The following SUPT3H variants were observed in gnomAD, a reference collection of about 807,000 sequenced individuals.
SUPT3H encodes the protein SPT3 homolog, SAGA and STAGA complex component.
In SUPT3H, 44 loss-of-function variants were observed where a neutral mutation model predicts 44.3. The observed-to-expected ratio is 0.99, with a 90% confidence interval of 0.78 to 1.28. The LOEUF is 1.28. Among genes scored for constraint, SUPT3H ranks in the 50% most tolerant of loss-of-function variants. The pLI is 0.00. For synonymous variants in SUPT3H, 124 were observed against 125.6 expected (o/e 0.99, Z 0.09); for missense variants, 380 against 387.1 (o/e 0.98, Z 0.15).
intron 3 of SUPT3H, among the ~76,000 whole-genome samples, chr6:45,103,430 T>C (rs1175035925): frequency 2.0e-5 from 3 of 152,082 alleles, no homozygotes; most frequent in African/African-American, 7.2e-5. Flanking sequence ...AAATAGAATA[T>C]AAAAGTATGT....
chr6:44,848,433 A>G (rs555146431), intron 10 of SUPT3H, among the ~76,000 whole-genome samples: 117 of 152,370 alleles, frequency 7.7e-4, no homozygotes, highest in Non-Finnish European at 1.3e-3. Context: ...CCAGGCATCA[A>G]TTCCAAAGTT....
chr6:45,360,856 C>T (rs1181622587), intron 2 of SUPT3H, among the ~76,000 whole-genome samples: 1 of 152,176 alleles, frequency 6.6e-6, no homozygotes, highest in African/African-American at 2.4e-5. Context: ...TCCTCATTCC[C>T]TCCTTTGTAC....
intron 2 of SUPT3H, among the ~76,000 whole-genome samples, chr6:45,224,257 G>A (rs781597193): frequency 2.0e-5 from 3 of 151,912 alleles, no homozygotes; most frequent in Non-Finnish European, 4.4e-5. Context: ...TTACTCATAT[G>A]TAAGTACTCC....
intron 9 of SUPT3H, among the ~76,000 whole-genome samples, chr6:44,934,945 G>A (rs1420256866): frequency 6.6e-6 from 1 of 152,140 alleles, no homozygotes; most frequent in Non-Finnish European, 1.5e-5. Flanking sequence ...GCTGAATCAT[G>A]CTATTTTTGC....
At chr6:45,134,472 C>T (rs907765553) in intron 2 of SUPT3H, among the ~76,000 whole-genome samples, 1 of 152,140 alleles carries the variant, frequency 6.6e-6, no homozygotes, top group Non-Finnish European at 1.5e-5. Flanking sequence ...TCCCAATAGC[C>T]CCAAAGTCTT....
At chr6:45,249,100 C>G (rs547711079) in intron 2 of SUPT3H, among the ~76,000 whole-genome samples, 9 of 151,844 alleles carry the variant, frequency 5.9e-5, no homozygotes, top group Non-Finnish European at 1.2e-4. Context: ...TTTTTAGCAA[C>G]AAAAAAAGGA....
In SUPT3H at chr6:45,095,425, A is replaced by T. The variant is rs1407531541; in HGVS notation, c.186+10497T>A. Among the ~76,000 whole-genome samples the T allele has an allele frequency of 6.6e-6, 1 of 151,632 alleles. No homozygotes were observed. The highest frequency in any genetic ancestry group is 2.4e-5 in the African/African-American group (1 of 41,298). On this transcript the variant is annotated intron_variant, in intron 3 of 10. Transcript: ENST00000371459. The surrounding 1 kb of genome is among the most constrained non-coding windows in gnomAD (Gnocchi z 4.1). The stretch of plus-strand genomic sequence containing the variant: ...GCTTCTACCAGGGAAATTAAAAAGC[A>T]TTACAGGAGGGAGGGGTGAATTCAG...
chr6:45,253,960 C>A lies in SUPT3H; in HGVS notation c.101+111241G>T, dbSNP rs193219847. On this transcript the variant is annotated intron_variant, in intron 2 of 10. Coordinates refer to ENST00000371459, the MANE Select transcript of SUPT3H (RefSeq NM_003599.4). Reference sequence around the variant, plus strand: ...ACATATATACACACGTACACATGCACAGACACACACACATTCATATCTATA... The same window carrying A: ...ACATATATACACACGTACACATGCAAAGACACACACACATTCATATCTATA... Among the ~76,000 whole-genome samples the A allele has an allele frequency of 3.3e-3, 492 of 150,546 alleles. 1 individual carries two copies. The highest frequency in any genetic ancestry group is 0.011 in the African/African-American group (467 of 40,990).
chr6:45,185,194 G>A (rs753814810), intron 2 of SUPT3H, among the ~76,000 whole-genome samples: 1 of 152,106 alleles, frequency 6.6e-6, no homozygotes, highest in Non-Finnish European at 1.5e-5. Context: ...TGACCCAGCA[G>A]CAAGGAGACT....
intron 2 of SUPT3H, among the ~76,000 whole-genome samples, chr6:45,309,518 A>G (rs1011619817): frequency 6.6e-6 from 1 of 152,040 alleles, no homozygotes; most frequent in Non-Finnish European, 1.5e-5. Flanking sequence ...GCATCAAAAC[A>G]GCAAATATTT....
At chr6:44,936,008 T>G (rs924653285) in intron 9 of SUPT3H, among the ~76,000 whole-genome samples, 6 of 152,216 alleles carry the variant, frequency 3.9e-5, no homozygotes, top group Admixed American at 3.9e-4. Flanking sequence ...ACATCTATAA[T>G]GGTAAACTAG....
intron 6 of SUPT3H, among the ~76,000 whole-genome samples, chr6:44,999,459 G>T (rs1339243895): frequency 2.6e-5 from 4 of 151,964 alleles, no homozygotes; most frequent in Non-Finnish European, 5.9e-5. Flanking sequence ...CTTCACTGAT[G>T]ATATGTACAG....
chr6:44,832,057 A>G (rs764391020), intron 10 of SUPT3H, among the ~76,000 whole-genome samples: 1 of 152,044 alleles, frequency 6.6e-6, no homozygotes, highest in Non-Finnish European at 1.5e-5. Context: ...TTCAGTAAAC[A>G]TATTCCCTAG....
intron 10 of SUPT3H, among the ~76,000 whole-genome samples, chr6:44,879,752 T>C (rs1390366917): frequency 6.6e-6 from 1 of 152,204 alleles, no homozygotes; most frequent in Non-Finnish European, 1.5e-5. Context: ...TCTTTGCTGT[T>C]CTGCAGCCTC....
chr6:45,343,068 G>A (rs2150143436), intron 2 of SUPT3H, among the ~76,000 whole-genome samples: 1 of 152,276 alleles, frequency 6.6e-6, no homozygotes, highest in East Asian at 1.9e-4. Context: ...TAAATAAAAT[G>A]TAAAGTGTCT....
intron 2 of SUPT3H, among the ~76,000 whole-genome samples, chr6:45,200,326 C>G (rs1323971359): frequency 6.6e-6 from 1 of 151,264 alleles, no homozygotes; most frequent in Non-Finnish European, 1.5e-5. Flanking sequence ...TTGTCTATTT[C>G]TAGTAAGTTA....
chr6:45,276,878 G>A (rs1777117450), intron 2 of SUPT3H, among the ~76,000 whole-genome samples: 1 of 152,080 alleles, frequency 6.6e-6, no homozygotes, highest in Non-Finnish European at 1.5e-5. Context: ...CATTACTGTA[G>A]CAATAGATAA....
In SUPT3H at chr6:45,243,197, C is replaced by CAAAG. The variant is rs377660530; in HGVS notation, c.101+122003_101+122004insCTTT. Reference sequence around the variant, plus strand: ...TGGGAAACAGAGCGAGACTCCTTCTCAAAAAAAAAAAAAAAAAAAAAAAGC... The same window carrying CAAAG: ...TGGGAAACAGAGCGAGACTCCTTCTCAAAGAAAAAAAAAAAAAAAAAAAAAAAGC... On this transcript the variant is annotated intron_variant, in intron 2 of 10. Transcript: ENST00000371459. 6.2e-4 allele frequency among the ~76,000 whole-genome samples: 45 copies of CAAAG among 72,562 alleles called. 3 individuals carry two copies. The highest frequency in any genetic ancestry group is 3.0e-3 in the African/African-American group (40 of 13,500). 47.6% of individuals were successfully genotyped at this position (72,562 alleles called of 152,430 possible).
chr6:45,203,739 G>A (rs1220767667), intron 2 of SUPT3H, among the ~76,000 whole-genome samples: 1 of 152,148 alleles, frequency 6.6e-6, no homozygotes, highest in Non-Finnish European at 1.5e-5. Context: ...CCCCAGCCAT[G>A]AAGGACTTCT....
Sources: allele counts gnomAD v4.1 joint callset (sites outside exome capture counted in the v4.1 genomes callset), GRCh38; gene constraint gnomAD v4.1.1; non-coding constraint Gnocchi (gnomAD v3.1); transcripts MANE v1.5; gene names NCBI Gene and HGNC (gene_info 2026-07-23, HGNC 2026-07-21).